The following WDHD1 variants were observed in gnomAD, a reference collection of about 807,000 sequenced individuals.
The protein encoded by WDHD1 is WD repeat and HMG-box DNA binding protein 1, also known as WD repeat and HMG-box DNA-binding protein 1.
A neutral mutation model predicts 135.4 loss-of-function variants in WDHD1; 111 were observed. The observed-to-expected ratio is 0.82, with a 90% confidence interval of 0.70 to 0.96. The LOEUF is 0.96. Ranked by LOEUF, WDHD1 falls within the 40% of genes least tolerant of loss-of-function variation. The probability of loss-of-function intolerance (pLI) is 0.00; values close to 1 mark genes in which losing one functional copy is unlikely to be tolerated. For missense variants in WDHD1, 1,351 were observed against 1,336.3 expected (o/e 1.01, Z -0.17); for synonymous variants, 434 against 439.0 (o/e 0.99, Z 0.14).
chr14:55,023,543 T>A (rs1214003933), intron 2 of WDHD1, among the ~76,000 whole-genome samples: 1 of 152,232 alleles, frequency 6.6e-6, no homozygotes, highest in Non-Finnish European at 1.5e-5. Context: ...TAGGAGTATG[T>A]CCAGCATCAC....
intron 23 of WDHD1, among the ~76,000 whole-genome samples, chr14:54,956,313 T>C (rs1373682659): frequency 1.3e-5 from 2 of 152,026 alleles, no homozygotes; most frequent in Non-Finnish European, 2.9e-5. Flanking sequence ...AGTATATATA[T>C]TTTTAAAAAG....
At chr14:54,989,256 G>A in intron 12 of WDHD1, 44 bp from the exon 13 acceptor site, 2 of 1,449,824 alleles carry the variant, frequency 1.4e-6, no homozygotes, top group Non-Finnish European at 1.9e-6. Context: ...AAAAACTGAA[G>A]CTCCTAGAAT....
chr14:54,995,553 C>G, intron 11 of WDHD1, 50 bp downstream of exon 11: 1 of 1,407,378 alleles, frequency 7.1e-7, no homozygotes, highest in Non-Finnish European at 9.5e-7. Context: ...AATAAAAAAT[C>G]TAAAATATTA....
rs1023938700 is a variant in WDHD1 at position 55,010,464 on chromosome 14, A to G, written c.190-4T>C. On this transcript the variant is annotated splice_region_variant and splice_polypyrimidine_tract_variant and intron_variant, in intron 3 of 25. Coordinates refer to ENST00000360586, the MANE Select transcript of WDHD1 (RefSeq NM_007086.4). ...CTGCAGTGACCAGTTTTCCACTCTA[A>G]AAGAAAAATTAAGGTAAGAAACATT... 1 of 1,561,738 alleles carries G rather than the reference A, an allele frequency of 6.4e-7. No individual in the cohort carries two copies. Among genetic ancestry groups the G allele is most frequent in the South Asian group, 1.2e-5 (1 of 81,896 alleles).
At chr14:54,983,186 C>CAAATA (rs890388528) in intron 15 of WDHD1, among the ~76,000 whole-genome samples, 1 of 151,810 alleles carries the variant, frequency 6.6e-6, no homozygotes, top group Non-Finnish European at 1.5e-5. Context: ...AACACAAAAA[C>CAAATA]AAATAAAATA....
rs1365719060 is a variant in WDHD1 at position 54,989,089 on chromosome 14, T to C, written c.1465A>G (p.Ile489Val). 2.5e-6 allele frequency: 4 copies of C among 1,613,778 alleles called. No individual in the cohort carries two copies. The South Asian group carries it at 3.3e-5, about 13-fold the overall frequency. ...THLSNTLNYT[I>V]ADLSHEAILL... is the part of the protein sequence containing the mutation. ...ATAGCTTCGTGGGAAAGATCTGCTA[T>C]TGTATAATTCAAAGTGTTTGATAAG... The change falls in exon 13 of 26, where the codon ATA becomes GTA. Residue 489 changes from isoleucine (I) to valine (V), a missense_variant. Physicochemically the swap from Ile to Val is conservative, Grantham distance 29 (BLOSUM62 3). This residue lies in a region of WDHD1 where 1,330 missense variants were observed against 1,296.1 expected (regional missense o/e 1.03). Coordinates refer to ENST00000360586, the MANE Select transcript of WDHD1 (RefSeq NM_007086.4).
Position 54,963,072 on chromosome 14 carries a change from C to T in WDHD1, c.2411G>A (p.Arg804Gln), listed in dbSNP as rs909243924. The change falls in exon 19 of 26, where the codon CGG becomes CAG. Residue 804 changes from arginine (R) to glutamine (Q), a missense_variant. Arg to Gln is a conservative substitution (Grantham distance 43). Around this residue, in one of 2 missense-constraint regions of WDHD1, gnomAD observed 1,330 missense variants for 1,296.1 expected, o/e 1.03. Coordinates refer to ENST00000360586, the MANE Select transcript of WDHD1 (RefSeq NM_007086.4). ...TAGTTTTTGAGCCAGTATTAATTTCCGAGAGCGAGAAGCATATTTAATGGC... is the reference window on the plus strand; with the variant it reads ...TAGTTTTTGAGCCAGTATTAATTTCTGAGAGCGAGAAGCATATTTAATGGC... ...NLAIKYASRS[R>Q]KLILAQKLSE... The T allele has an allele frequency of 4.3e-6, 7 of 1,611,808 alleles. No individual in the cohort carries two copies. The highest frequency in any genetic ancestry group is 2.2e-5 in the East Asian group (1 of 44,736).
chr14:54,957,677 T>C (rs528893309), intron 21 of WDHD1, 42 bp from the exon 22 acceptor site: 11 of 1,530,032 alleles, frequency 7.2e-6, no homozygotes, highest in African/African-American at 2.8e-5. Context: ...TGGTAGAAAA[T>C]AGATGACTTC....
chr14:54,956,687 T>G (rs534738897), intron 23 of WDHD1, among the ~76,000 whole-genome samples: 7 of 152,150 alleles, frequency 4.6e-5, no homozygotes, highest in Non-Finnish European at 1.0e-4. Flanking sequence ...AGTCAGAATC[T>G]GCTACAAAGT....
rs187492118 is a variant in WDHD1, at chr14:54,951,471, A to C, written c.3050+4090T>G. The stretch of plus-strand genomic sequence containing the variant: ...AGGAAGAAGTTCAATCTCTGAATAG[A>C]CCAATAACAGGCTCTGAAATTGAGG... On this transcript the variant is annotated intron_variant, in intron 24 of 25. Transcript: ENST00000360586. 3.2e-3 allele frequency among the ~76,000 whole-genome samples: 481 copies of C among 152,286 alleles called. 3 individuals carry two copies. Among genetic ancestry groups the C allele is most frequent in the African/African-American group, 0.011 (454 of 41,550 alleles).
At chr14:54,957,709 G>C (rs2140161800) in intron 21 of WDHD1, 74 bp from the exon 22 acceptor site, 1 of 1,203,880 alleles carries the variant, frequency 8.3e-7, no homozygotes. Flanking sequence ...ATACTAGACA[G>C]AGTATTTTAA....
chr14:55,013,769 GGTTAT>G (rs1209363274), intron 2 of WDHD1, among the ~76,000 whole-genome samples, 173 bp from the exon 3 acceptor site: 3 of 152,090 alleles, frequency 2.0e-5, no homozygotes, highest in Non-Finnish European at 4.4e-5. Context: ...AGCCAGGCAT[GGTTAT>G]GTGTACCTGT....
intron 10 of WDHD1, among the ~76,000 whole-genome samples, chr14:54,996,980 T>C (rs900387561): frequency 4.6e-5 from 7 of 151,760 alleles, no homozygotes; most frequent in African/African-American, 1.7e-4. Context: ...TTAGTAGAGA[T>C]GGGGTTTCAC....
At chr14:54,943,740 T>G (rs765648305) in intron 25 of WDHD1, among the ~76,000 whole-genome samples, 13 of 152,096 alleles carry the variant, frequency 8.5e-5, no homozygotes, top group Non-Finnish European at 1.3e-4. Flanking sequence ...TCTTGGGGTA[T>G]TCTCCTAACT....
intron 11 of WDHD1, among the ~76,000 whole-genome samples, chr14:54,993,881 G>C (rs1157933982): frequency 6.6e-6 from 1 of 152,068 alleles, no homozygotes; most frequent in East Asian, 1.9e-4. Context: ...CCGTAACTCT[G>C]TATAAATAAA....
chr14:55,013,038 A>G (rs2042196547), intron 3 of WDHD1, among the ~76,000 whole-genome samples: 1 of 152,014 alleles, frequency 6.6e-6, no homozygotes, highest in Admixed American at 6.6e-5. Context: ...TTCACCATTC[A>G]TGTCCATTAA....
intron 16 of WDHD1, among the ~76,000 whole-genome samples, chr14:54,981,260 A>G (rs2041614895): frequency 6.6e-6 from 1 of 152,178 alleles, no homozygotes; most frequent in South Asian, 2.1e-4. Flanking sequence ...AAAAGACAGT[A>G]ATAAAAGGTG....
In WDHD1 at chr14:54,991,294, A is replaced by C. The variant is rs942961391; in HGVS notation, c.1260T>G (p.Phe420Leu). The change falls in exon 12 of 26, where the codon TTT becomes TTG. Residue 420 changes from phenylalanine to leucine, a missense_variant. Phe to Leu is a conservative substitution (Grantham distance 22). Coordinates refer to ENST00000360586, the MANE Select transcript of WDHD1 (RefSeq NM_007086.4). ...GGGGAGTTGGCATGGGTCCATCATA[A>C]AATGGCCTTTGGGATGTTACAAGTG... ...NLPLVTSQRP[F>L]YDGPMPTPRQ... The C allele has an allele frequency of 6.2e-7, 1 of 1,613,988 alleles. No homozygotes were observed. The highest frequency in any genetic ancestry group is 8.5e-7 in the Non-Finnish European group (1 of 1,179,878).
chr14:54,990,770 G>T (rs530891803), intron 12 of WDHD1, among the ~76,000 whole-genome samples: 9 of 152,082 alleles, frequency 5.9e-5, no homozygotes, highest in Non-Finnish European at 1.3e-4. Flanking sequence ...CTGGTGGGTG[G>T]TGGAGTGAGG....
Sources: gnomAD v4.1 joint callset for allele counts (sites outside exome capture counted in the v4.1 genomes callset) on GRCh38, gnomAD v4.1.1 for gene constraint, gnomAD v4.1.1 regional missense constraint, MANE v1.5 for transcripts, NCBI Gene and HGNC (gene_info 2026-07-23, HGNC 2026-07-21) for gene names.